Variants in TBL1XR1 observed in about 807,000 individuals in gnomAD.
The protein encoded by TBL1XR1 is F-box-like/WD repeat-containing protein TBL1XR1.
TBL1XR1 carries 5 observed loss-of-function variants against 66.9 expected under a neutral mutation model. The observed-to-expected ratio is 0.07, with a 90% CI of 0.04 to 0.16. TBL1XR1 has a LOEUF of 0.16. Ranked by LOEUF, TBL1XR1 falls within the 10% of genes least tolerant of loss-of-function variation. TBL1XR1 has a pLI of 1.00. For synonymous variants in TBL1XR1, 210 were observed against 206.0 expected (o/e 1.02, Z -0.17); for missense variants, 238 against 623.2 (o/e 0.38, Z 6.58).
chr3:177,181,628 GAATCACTTGTGCAACTGGTTTAAAGAGAC>G (rs1179628169), intron 1 of TBL1XR1, among the ~76,000 whole-genome samples: 7 of 152,066 alleles, frequency 4.6e-5, no homozygotes, highest in African/African-American at 1.7e-4. Context: ...CTGGGCCACA[GAATCACTTGTGCAACTGGTTTAAAGAGAC>G]AAAGGACACA....
chr3:177,087,746 A>C (rs1326899745), intron 2 of TBL1XR1, among the ~76,000 whole-genome samples: 1 of 152,100 alleles, frequency 6.6e-6, no homozygotes, highest in East Asian at 1.9e-4. Flanking sequence ...GGATGAATGA[A>C]AGGAAAAAAG....
intron 1 of TBL1XR1, among the ~76,000 whole-genome samples, chr3:177,173,554 T>C (rs1197959352): frequency 1.3e-5 from 2 of 152,084 alleles, no homozygotes; most frequent in Non-Finnish European, 2.9e-5. Flanking sequence ...AAACCAGTAC[T>C]CTTCAAAATT....
intron 2 of TBL1XR1, among the ~76,000 whole-genome samples, chr3:177,073,621 G>C (rs1720321568): frequency 6.6e-6 from 1 of 152,116 alleles, no homozygotes; most frequent in South Asian, 2.1e-4. Context: ...GTTTTACTGA[G>C]TACTACACTA....
At chr3:177,078,538 T>C (rs1720975352) in intron 2 of TBL1XR1, 1 of 151,050 alleles carries the variant, frequency 6.6e-6, no homozygotes, top group African/African-American at 2.4e-5. Flanking sequence ...TGAGCTATGA[T>C]TATACCACCA....
intron 1 of TBL1XR1, among the ~76,000 whole-genome samples, chr3:177,142,994 G>A (rs764876877): frequency 4.0e-5 from 6 of 151,548 alleles, no homozygotes; most frequent in Non-Finnish European, 5.9e-5. Flanking sequence ...TTAGTGCCAC[G>A]TTTTTGCATG....
upstream of TBL1XR1, among the ~76,000 whole-genome samples, chr3:177,198,426 TAGA>T (rs1737207541): frequency 2.0e-5 from 3 of 152,218 alleles, no homozygotes; most frequent in Admixed American, 1.3e-4. Context: ...GCATCCACAG[TAGA>T]AGTTTATCCA....
In TBL1XR1 at chr3:177,037,077, T is replaced by C. The variant is rs115027094; in HGVS notation, c.1122+1021A>G. On this transcript the variant is annotated intron_variant, in intron 12 of 15. Coordinates refer to ENST00000457928, the MANE Select transcript of TBL1XR1 (RefSeq NM_024665.7). ...ACAGAGATCCATGTTGAGATGTGGA[T>C]GTTGGTATGTCAACTAGGCTCGCTC... Among the ~76,000 whole-genome samples, 322 of 152,358 alleles carry C rather than the reference T, an allele frequency of 2.1e-3. 2 individuals are homozygous for C. The highest frequency in any genetic ancestry group is 7.5e-3 in the African/African-American group (312 of 41,578).
chr3:177,181,810 G>C (rs1214711521), intron 1 of TBL1XR1, among the ~76,000 whole-genome samples: 1 of 132,630 alleles, frequency 7.5e-6, no homozygotes, highest in African/African-American at 2.7e-5. Context: ...TAAACGTAAG[G>C]GTTCAAGTTA....
chr3:177,130,449 G>A (rs920303112), intron 1 of TBL1XR1, among the ~76,000 whole-genome samples: 1 of 152,074 alleles, frequency 6.6e-6, no homozygotes, highest in Admixed American at 6.5e-5. Context: ...AGACAGTTAG[G>A]CAATAAAAGC....
chr3:177,047,669 A>C, intron 7 of TBL1XR1, 120 bp from the exon 8 acceptor site: 1 of 1,190,690 alleles, frequency 8.4e-7, no homozygotes. Context: ...CTGCTTCAAA[A>C]CTTGTCAGTT....
intron 4 of TBL1XR1, among the ~76,000 whole-genome samples, chr3:177,053,187 G>A (rs1264242879): frequency 6.6e-6 from 1 of 152,154 alleles, no homozygotes; most frequent in Non-Finnish European, 1.5e-5. Context: ...AGAGTAGACA[G>A]TAAATATTAA....
intron 1 of TBL1XR1, among the ~76,000 whole-genome samples, chr3:177,101,241 T>G (rs1724172757): frequency 6.6e-6 from 1 of 152,236 alleles, no homozygotes; most frequent in Non-Finnish European, 1.5e-5. Context: ...GTTTAAGTAC[T>G]GGCTCCGCCA....
intron 3 of TBL1XR1, among the ~76,000 whole-genome samples, chr3:177,054,435 T>C (rs922576588): frequency 2.6e-5 from 4 of 152,198 alleles, no homozygotes; most frequent in African/African-American, 7.2e-5. Flanking sequence ...ACACATAATA[T>C]GCTTTAAATA....
At chr3:177,148,080 A>T (rs960292876) in intron 1 of TBL1XR1, among the ~76,000 whole-genome samples, 8 of 152,226 alleles carry the variant, frequency 5.3e-5, no homozygotes, top group Non-Finnish European at 1.2e-4. Flanking sequence ...CATGGAAACA[A>T]GTCCGTTATT....
chr3:177,057,687 G>A (rs1210323723), intron 3 of TBL1XR1, among the ~76,000 whole-genome samples: 3 of 152,120 alleles, frequency 2.0e-5, no homozygotes, highest in Non-Finnish European at 4.4e-5. Flanking sequence ...AGGCAAAAGA[G>A]ACCACCTAAA....
At chr3:177,185,306 A>T (rs980044703) in intron 1 of TBL1XR1, among the ~76,000 whole-genome samples, 5 of 152,132 alleles carry the variant, frequency 3.3e-5, no homozygotes, top group Admixed American at 6.5e-5. Context: ...TCTACCCCTT[A>T]AGTTAAAATA....
At chr3:177,048,507 A>C (rs867814262) in intron 7 of TBL1XR1, among the ~76,000 whole-genome samples, 1 of 152,152 alleles carries the variant, frequency 6.6e-6, no homozygotes, top group Non-Finnish European at 1.5e-5. Context: ...GGAACTGCAG[A>C]CTCAATTCTG....
chr3:177,167,805 C>T (rs1260955636), intron 1 of TBL1XR1, among the ~76,000 whole-genome samples: 1 of 152,084 alleles, frequency 6.6e-6, no homozygotes, highest in Non-Finnish European at 1.5e-5. Flanking sequence ...GTGGTATATG[C>T]CTGTAATCCC....
At chr3:177,139,093 A>G (rs1729327119) in intron 1 of TBL1XR1, among the ~76,000 whole-genome samples, 1 of 152,254 alleles carries the variant, frequency 6.6e-6, no homozygotes, top group African/African-American at 2.4e-5. Flanking sequence ...AGGAACATAC[A>G]GAAATCAGCG....
Sources: gnomAD v4.1 joint callset for allele counts (sites outside exome capture counted in the v4.1 genomes callset) on GRCh38, gnomAD v4.1.1 for gene constraint, MANE v1.5 for transcripts, NCBI Gene and HGNC (gene_info 2026-07-23, HGNC 2026-07-21) for gene names.